DMD: variants seen among roughly 807,000 people sequenced by gnomAD.
The protein encoded by DMD is dystrophin, also known as mutant dystrophin.
In DMD, 63 loss-of-function variants were observed where a neutral mutation model predicts 330.1. The observed-to-expected ratio is 0.19, with a 90% CI of 0.16 to 0.24. The LOEUF is 0.24. Among genes scored for constraint, DMD ranks in the 10% least tolerant of loss-of-function variants. The probability of loss-of-function intolerance (pLI) is 1.00; values close to 1 mark genes in which losing one functional copy is unlikely to be tolerated. For synonymous variants in DMD, 1,223 were observed against 959.8 expected (o/e 1.27, Z -5.07); for missense variants, 3,344 against 2,684.1 (o/e 1.25, Z -5.43).
intron 44 of DMD, among the ~76,000 whole-genome samples, chrX:32,140,670 A>C (rs1229957484): frequency 8.9e-6 from 1 of 111,896 alleles, no homozygotes; most frequent in African/African-American, 3.3e-5. Flanking sequence ...CCTCAGAATC[A>C]TGGTGGGAGG....
At chrX:31,191,300 A>C (rs935595457) in intron 67 of DMD, among the ~76,000 whole-genome samples, 5 of 112,039 alleles carry the variant, frequency 4.5e-5, no homozygotes, top group African/African-American at 1.6e-4. Context: ...CATATCCATA[A>C]ATAGAATTCC....
intron 45 of DMD, among the ~76,000 whole-genome samples, chrX:31,944,663 C>CTT (rs1176678451): frequency 2.3e-3 from 189 of 81,471 alleles, no homozygotes; most frequent in East Asian, 7.2e-3. Flanking sequence ...TTTTGTTCTG[C>CTT]TTTTTTTTTT....
chrX:32,952,024 G>A (rs1049472489), intron 2 of DMD, among the ~76,000 whole-genome samples: 3 of 111,378 alleles, frequency 2.7e-5, no homozygotes, highest in Admixed American at 9.6e-5. Flanking sequence ...CCACTTTATT[G>A]TTGATGGGGT....
intron 53 of DMD, 63 bp from the exon 54 acceptor site, chrX:31,658,207 T>C: frequency 8.9e-7 from 1 of 1,129,135 alleles, no homozygotes; most frequent in South Asian, 1.8e-5. Flanking sequence ...CTAGTTGGAG[T>C]GTCTTAAAAT....
intron 44 of DMD, among the ~76,000 whole-genome samples, chrX:32,146,758 C>T (rs373763793): frequency 8.9e-6 from 1 of 112,003 alleles, no homozygotes; most frequent in East Asian, 2.8e-4. Flanking sequence ...TGTGTCTAAA[C>T]GCAGATGTTT....
At chrX:32,520,844 CT>C (rs746203243) in intron 17 of DMD, among the ~76,000 whole-genome samples, 21,209 of 87,825 alleles carry the variant, frequency 0.24, 2,442 homozygotes, top group African/African-American at 0.33. Context: ...TCCTGCCATA[CT>C]TTTTTTTTTT....
chrX:32,930,548 C>T (rs2146684799), intron 2 of DMD, among the ~76,000 whole-genome samples: 1 of 110,817 alleles, frequency 9.0e-6, no homozygotes, highest in South Asian at 3.8e-4. Context: ...ACAATCTAAT[C>T]ATAACCTGCT....
chrX:32,264,229 C>A (rs1310477933), intron 43 of DMD, among the ~76,000 whole-genome samples: 2 of 111,332 alleles, frequency 1.8e-5, no homozygotes, highest in Non-Finnish European at 3.8e-5. Context: ...ACTTCTCCTT[C>A]TTGCCATCAT....
intron 44 of DMD, among the ~76,000 whole-genome samples, chrX:32,101,070 A>G (rs1272504448): frequency 8.9e-6 from 1 of 112,305 alleles, no homozygotes; most frequent in Non-Finnish European, 1.9e-5. Context: ...ACACTTCTGC[A>G]TGAATTATGT....
chrX:32,461,335 G>A (rs1461449005), intron 25 of DMD, among the ~76,000 whole-genome samples: 1 of 110,578 alleles, frequency 9.0e-6, no homozygotes, highest in Non-Finnish European at 1.9e-5. Context: ...CTCCTTGAGC[G>A]CCATTGTTCC....
chrX:32,918,573 A>G (rs113237335), intron 2 of DMD, among the ~76,000 whole-genome samples: 24,939 of 110,373 alleles, frequency 0.23, 2,488 homozygotes, highest in Non-Finnish European at 0.32. Flanking sequence ...CTGGTCTCGA[A>G]CTCCTGGGCT....
intron 1 of DMD, among the ~76,000 whole-genome samples, chrX:33,266,990 A>G (rs2053053272): frequency 9.0e-6 from 1 of 110,732 alleles, no homozygotes; most frequent in African/African-American, 3.3e-5. Context: ...TGGAAGTCCT[A>G]GCCACAGCAA....
intron 1 of DMD, among the ~76,000 whole-genome samples, chrX:33,043,380 A>C (rs1040624829): frequency 1.8e-5 from 2 of 112,038 alleles, no homozygotes; most frequent in Non-Finnish European, 3.8e-5. Flanking sequence ...AGGTTTGGGC[A>C]GTCAAACAAA....
chrX:32,450,834 T>A (rs141646616), intron 26 of DMD, among the ~76,000 whole-genome samples: 6 of 111,055 alleles, frequency 5.4e-5, no homozygotes, highest in Non-Finnish European at 3.8e-5. Flanking sequence ...AACACTTCTT[T>A]CCATGGTTTT....
chrX:32,261,307 G>T (rs1414312938), intron 43 of DMD, among the ~76,000 whole-genome samples: 1 of 111,813 alleles, frequency 8.9e-6, no homozygotes, highest in Non-Finnish European at 1.9e-5. Flanking sequence ...ACAGTGATTT[G>T]GGTGGAGAGA....
chrX:32,778,869 C>A (rs370596639), intron 7 of DMD, among the ~76,000 whole-genome samples: 90 of 96,942 alleles, frequency 9.3e-4, no homozygotes, highest in African/African-American at 5.0e-3. Context: ...TCCCCTGTGT[C>A]ATGTATCATG....
rs189474033 is a variant in DMD at position 32,366,152 on chromosome X, G to T, written c.4846-953C>A. Among the ~76,000 whole-genome samples the T allele has an allele frequency of 1.3e-3, 147 of 112,307 alleles. 1 individual carries two copies. The highest frequency in any genetic ancestry group is 4.4e-3 in the African/African-American group (135 of 30,963). The stretch of plus-strand genomic sequence containing the variant: ...CACATTTAACATGAAAAAAGATAGA[G>T]AGTAGTGATGGAAAAAGTGATCTTA... On this transcript the variant is annotated intron_variant, in intron 34 of 78. Transcript: ENST00000357033.
At chrX:31,479,358 A>G (rs2068070927) in intron 57 of DMD, among the ~76,000 whole-genome samples, 1 of 111,968 alleles carries the variant, frequency 8.9e-6, no homozygotes, top group South Asian at 3.7e-4. Context: ...TCTCATTGAG[A>G]TAAGAGTGCT....
intron 2 of DMD, among the ~76,000 whole-genome samples, chrX:32,861,078 G>C (rs1336437851): frequency 3.6e-5 from 4 of 111,611 alleles, no homozygotes; most frequent in Non-Finnish European, 5.6e-5. Flanking sequence ...TGTGATCTTG[G>C]GCAAGTAACT....
Sources: gnomAD v4.1 joint callset for allele counts (sites outside exome capture counted in the v4.1 genomes callset) on GRCh38, gnomAD v4.1.1 for gene constraint, MANE v1.5 for transcripts, NCBI Gene and HGNC (gene_info 2026-07-23, HGNC 2026-07-21) for gene names.